FHIP2A: variants seen among roughly 807,000 people sequenced by gnomAD.
FHIP2A encodes the protein FHF complex subunit HOOK interacting protein 2A, also known as family with sequence similarity 160 member B1.
In FHIP2A, 46 loss-of-function variants were observed where a neutral mutation model predicts 93.5. That is an observed-to-expected ratio of 0.49 (90% confidence interval 0.39 to 0.63). FHIP2A has a LOEUF of 0.63. Among genes scored for constraint, FHIP2A ranks in the 20% least tolerant of loss-of-function variants. The pLI is 0.00. For synonymous variants in FHIP2A, 332 were observed against 326.5 expected, an observed-to-expected ratio of 1.02 and a Z score of -0.18; for missense variants, 769 against 909.7, an observed-to-expected ratio of 0.85 and a Z score of 1.99.
chr10:114,822,201 C>A, intron 1 of FHIP2A, 78 bp downstream of exon 1: 3 of 969,314 alleles, frequency 3.1e-6, no homozygotes, highest in Non-Finnish European at 2.6e-6. Flanking sequence ...CGGGGACAAG[C>A]CGGGCGGCCT....
Position 114,863,708 on chromosome 10 carries a change from T to A in FHIP2A, c.*2168T>A, listed in dbSNP as rs1159311485. On this transcript the variant is annotated 3_prime_UTR_variant, in exon 17 of 17. Transcript: ENST00000369248. ...AGTTCAATTTGTTAGTGAAACATTG[T>A]ACTGCATCACCAGTTTTTCTTACCT... 1 of 1,301,110 alleles carries A rather than the reference T, an allele frequency of 7.7e-7. No individual in the cohort carries two copies. The highest frequency in any genetic ancestry group is 1.0e-6 in the Non-Finnish European group (1 of 987,998). The allele number at this position is 1,301,110 out of a possible 1,614,324, so 80.6% of individuals were successfully genotyped here.
At position 114,881,216 on chromosome 10, in the gene FHIP2A, T is replaced by G. The variant is rs145207048; in HGVS notation, c.2193-18274T>G. 7.6e-3 allele frequency among the ~76,000 whole-genome samples: 1,154 copies of G among 152,330 alleles called. 25 individuals carry two copies. The highest frequency in any genetic ancestry group is 0.026 in the African/African-American group (1,097 of 41,574). On this transcript the variant is annotated intron_variant, in intron 16 of 16. Transcript: ENST00000369250. ...AAATATTTTCCTTAGCTGGGTCCCC[T>G]GTTTTATGCCTTTGATTTACAGAAG...
chr10:114,896,181 C>T (rs1261906793), intron 16 of FHIP2A, among the ~76,000 whole-genome samples: 2 of 151,976 alleles, frequency 1.3e-5, no homozygotes, highest in African/African-American at 4.8e-5. Context: ...TAGAGACCCT[C>T]TTAGTACTTC....
intron 5 of FHIP2A, among the ~76,000 whole-genome samples, chr10:114,839,586 C>T (rs2083656137): frequency 6.6e-6 from 1 of 152,044 alleles, no homozygotes; most frequent in Non-Finnish European, 1.5e-5. Context: ...GAGTTAGAAA[C>T]AGTCTTTGCC....
chr10:114,827,738 A>C (rs1407583979), intron 1 of FHIP2A, among the ~76,000 whole-genome samples: 1 of 145,298 alleles, frequency 6.9e-6, no homozygotes, highest in Non-Finnish European at 1.5e-5. Flanking sequence ...CGGAGCTTGC[A>C]GTGAGCCGAG....
chr10:114,831,166 C>T (rs1029699701), intron 2 of FHIP2A, among the ~76,000 whole-genome samples: 2 of 152,152 alleles, frequency 1.3e-5, no homozygotes, highest in Non-Finnish European at 2.9e-5. Context: ...GTCAAACAGA[C>T]AACACTGCTG....
At chr10:114,839,446 TTATAAG>T (rs2083655331) in intron 5 of FHIP2A, among the ~76,000 whole-genome samples, 1 of 152,148 alleles carries the variant, frequency 6.6e-6, no homozygotes, top group Non-Finnish European at 1.5e-5. Flanking sequence ...GTTTTATTAC[TTATAAG>T]TATAGATAAG....
intron 14 of FHIP2A, among the ~76,000 whole-genome samples, chr10:114,857,117 A>G (rs1460914350): frequency 6.6e-6 from 1 of 151,654 alleles, no homozygotes; most frequent in Admixed American, 6.6e-5. Flanking sequence ...CAAAATTAAA[A>G]CACAAACAAA....
chr10:114,844,416 A>G (rs1486550489), intron 7 of FHIP2A, among the ~76,000 whole-genome samples: 2 of 152,340 alleles, frequency 1.3e-5, no homozygotes, highest in East Asian at 3.9e-4. Context: ...AATTATTAAA[A>G]AGTATAAAGC....
At chr10:114,898,634 TG>T (rs1259468293) in intron 16 of FHIP2A, among the ~76,000 whole-genome samples, 1 of 152,228 alleles carries the variant, frequency 6.6e-6, no homozygotes, top group Non-Finnish European at 1.5e-5. Flanking sequence ...CAGTCCCAGT[TG>T]CTAGTTCCTT....
chr10:114,839,632 A>G (rs994042725), intron 5 of FHIP2A, among the ~76,000 whole-genome samples: 1 of 152,040 alleles, frequency 6.6e-6, no homozygotes, highest in African/African-American at 2.4e-5. Context: ...TAATCCCAGC[A>G]CTTTGGTAGG....
chr10:114,835,752 A>G, intron 4 of FHIP2A, 111 bp downstream of exon 4: 1 of 684,862 alleles, frequency 1.5e-6, no homozygotes, highest in Non-Finnish European at 2.3e-6. Flanking sequence ...CAAAATTAAC[A>G]TGCAAGTTAG....
chr10:114,849,001 G>A (rs542096520), intron 13 of FHIP2A, among the ~76,000 whole-genome samples: 5 of 151,714 alleles, frequency 3.3e-5, no homozygotes, highest in African/African-American at 9.7e-5. Context: ...AATTAGCCAG[G>A]CATGGTGACA....
chr10:114,849,439 C>T (rs988195860), intron 13 of FHIP2A, among the ~76,000 whole-genome samples: 3 of 152,132 alleles, frequency 2.0e-5, no homozygotes, highest in African/African-American at 7.2e-5. Flanking sequence ...GCCCAGCTCT[C>T]ACTCCTTCAG....
chr10:114,878,188 ATTTTC>A (rs1169383750), intron 16 of FHIP2A, among the ~76,000 whole-genome samples: 1 of 152,136 alleles, frequency 6.6e-6, no homozygotes, highest in Non-Finnish European at 1.5e-5. Flanking sequence ...TAAGATGACC[ATTTTC>A]TTAGGGCTTA....
At chr10:114,852,415 CTT>C (rs2083742540) in intron 13 of FHIP2A, among the ~76,000 whole-genome samples, 1 of 152,156 alleles carries the variant, frequency 6.6e-6, no homozygotes, top group South Asian at 2.1e-4. Flanking sequence ...GCATCTGCTC[CTT>C]TGTTTCCTGC....
chr10:114,826,257 T>C (rs1306240910), intron 1 of FHIP2A, among the ~76,000 whole-genome samples: 1 of 152,176 alleles, frequency 6.6e-6, no homozygotes, highest in East Asian at 1.9e-4. Context: ...ACAAAACAAA[T>C]ATACAAGTTA....
chr10:114,862,204 C>T lies in FHIP2A; in HGVS notation c.*664C>T. ...AAATGTTCTTTTACTCTTTTGTGCACATAGCCATGTTAGTGATTTTCTTCA... is the reference window on the plus strand; with the variant it reads ...AAATGTTCTTTTACTCTTTTGTGCATATAGCCATGTTAGTGATTTTCTTCA... On this transcript the variant is annotated 3_prime_UTR_variant, in exon 17 of 17. Coordinates refer to ENST00000369248, the MANE Select transcript of FHIP2A (RefSeq NM_020940.4). The T allele has an allele frequency of 1.0e-6, 1 of 964,578 alleles. No individual in the cohort carries two copies. The highest frequency in any genetic ancestry group is 1.8e-5 in the African/African-American group (1 of 56,876). The allele number at this position is 964,578 out of a possible 1,614,324, so 59.8% of individuals were successfully genotyped here.
intron 3 of FHIP2A, among the ~76,000 whole-genome samples, chr10:114,833,738 A>G (rs2083621702): frequency 6.6e-6 from 1 of 152,240 alleles, no homozygotes. Flanking sequence ...ATTATTTGTC[A>G]TAGTCCTGGA....
Sources: allele counts gnomAD v4.1 joint callset (sites outside exome capture counted in the v4.1 genomes callset), GRCh38; gene constraint gnomAD v4.1.1; transcripts MANE v1.5; gene names NCBI Gene and HGNC (gene_info 2026-07-23, HGNC 2026-07-21).